Variants in DOCK8 observed in about 807,000 individuals in gnomAD.
The protein encoded by DOCK8 is dedicator of cytokinesis protein 8.
Under a neutral mutation model 245.6 loss-of-function variants are expected in DOCK8, and 141 were observed. The ratio of observed to expected loss-of-function variants is 0.57; its 90% confidence interval spans 0.50 to 0.66. The LOEUF (loss-of-function observed/expected upper bound fraction) is 0.66, where lower values mean the gene tolerates loss of function less well. Among genes scored for constraint, DOCK8 ranks in the 30% least tolerant of loss-of-function variants. The pLI, the probability that DOCK8 is intolerant of heterozygous loss-of-function variation, is 0.00. For synonymous variants in DOCK8, 1,168 were observed against 970.2 expected, an observed-to-expected ratio of 1.20 and a Z score of -3.79; for missense variants, 2,965 against 2,603.4, an observed-to-expected ratio of 1.14 and a Z score of -3.02.
At chr9:251,846 G>C (rs1431488196) in intron 1 of DOCK8, among the ~76,000 whole-genome samples, 1 of 152,074 alleles carries the variant, frequency 6.6e-6, no homozygotes, top group African/African-American at 2.4e-5. Flanking sequence ...AGGTTATAAG[G>C]ATTAAAGATA....
intron 36 of DOCK8, among the ~76,000 whole-genome samples, chr9:430,175 G>C (rs1587012851): frequency 6.6e-6 from 1 of 152,316 alleles, no homozygotes; most frequent in East Asian, 1.9e-4. Context: ...AGGAGTTCAA[G>C]ACTAGCCTGG....
intron 26 of DOCK8, among the ~76,000 whole-genome samples, chr9:400,789 C>T (rs1403632063): frequency 9.8e-5 from 8 of 81,972 alleles, no homozygotes; most frequent in Admixed American, 2.4e-4. Flanking sequence ...CCACCTCCAC[C>T]ATCACCACCA....
At chr9:380,059 C>T (rs1453961768) in intron 21 of DOCK8, 124 bp downstream of exon 21, 2 of 905,130 alleles carry the variant, frequency 2.2e-6, no homozygotes, top group Non-Finnish European at 3.4e-6. Flanking sequence ...AACCCCAGCA[C>T]TCTAGGAGGC....
chr9:409,274 A>C (rs1367259039), intron 28 of DOCK8, among the ~76,000 whole-genome samples: 1 of 152,162 alleles, frequency 6.6e-6, no homozygotes, highest in East Asian at 1.9e-4. Context: ...TATATCCACA[A>C]GTGTCTATGC....
Position 317,244 on chromosome 9 carries a change from C to T in DOCK8, c.827+116C>T, listed in dbSNP as rs1238656288. 7.1e-6 allele frequency: 6 copies of T among 845,720 alleles called. No homozygotes were observed. The African/African-American group carries it at 1.0e-4, about 14-fold the overall frequency. 52.4% of individuals were successfully genotyped at this position (845,720 alleles called of 1,614,324 possible). A position where few individuals can be genotyped will look rare whatever the true frequency, so the allele number is the denominator to read the frequency against. On this transcript the variant is annotated intron_variant, in intron 7 of 47. Coordinates refer to ENST00000432829, the MANE Select transcript of DOCK8 (RefSeq NM_203447.4). ...AGCGGAGCTCCCAAAATACGTCTAA[C>T]AGTGGGCAGCTGTGGAGTAGTAGAA...
At chr9:260,919 T>A (rs1371772914) in intron 1 of DOCK8, among the ~76,000 whole-genome samples, 2 of 152,142 alleles carry the variant, frequency 1.3e-5, no homozygotes, top group African/African-American at 4.8e-5. Flanking sequence ...TGTATTCCCA[T>A]TTGTGTAAAT....
intron 9 of DOCK8, among the ~76,000 whole-genome samples, chr9:328,568 C>G (rs1042696964): frequency 9.2e-5 from 14 of 152,166 alleles, no homozygotes; most frequent in African/African-American, 3.4e-4. Context: ...CCTCAGTGAC[C>G]TGGTGCAAAG....
chr9:442,120 C>G (rs1473026185), intron 42 of DOCK8, 111 bp downstream of exon 42: 19 of 1,472,098 alleles, frequency 1.3e-5, no homozygotes, highest in East Asian at 2.3e-5. Context: ...TCATTGATCT[C>G]TACATAAAGT....
chr9:236,120 A>G (rs2047241545), intron 1 of DOCK8, among the ~76,000 whole-genome samples: 1 of 152,096 alleles, frequency 6.6e-6, no homozygotes, highest in South Asian at 2.1e-4. Flanking sequence ...CATGGCCCCC[A>G]AGGTACCACT....
At chr9:317,195 G>T in intron 7 of DOCK8, 67 bp downstream of exon 7, 1 of 1,255,870 alleles carries the variant, frequency 8.0e-7, no homozygotes. Flanking sequence ...CAAATGTTGT[G>T]TTTATTATCA....
intron 26 of DOCK8, among the ~76,000 whole-genome samples, chr9:403,780 G>A (rs971950042): frequency 1.5e-4 from 23 of 150,228 alleles, no homozygotes; most frequent in Admixed American, 5.3e-4. Flanking sequence ...CAAGAGAATC[G>A]CTTGAACCTG....
At chr9:397,160 A>G (rs1238896692) in intron 25 of DOCK8, among the ~76,000 whole-genome samples, 1 of 152,054 alleles carries the variant, frequency 6.6e-6, no homozygotes, top group Non-Finnish European at 1.5e-5. Flanking sequence ...CCTGGCCAAC[A>G]TGGTGACATG....
In DOCK8 at chr9:267,024, TC is replaced by T. The variant is rs1433737375; in HGVS notation, c.54-4598del. Among the ~76,000 whole-genome samples, 5 of 152,074 alleles carry T rather than the reference TC, an allele frequency of 3.3e-5. No individual in the cohort carries two copies. The South Asian group carries it at 8.3e-4, about 25-fold the overall frequency. ...ATGTTCCTTTTTGTGGAGACAGATG[TC>T]CCCCTTCACTAGGACCAGGGTAGAG... On this transcript the variant is annotated intron_variant, in intron 1 of 47. Transcript: ENST00000432829.
chr9:370,562 G>T (rs1018351434), intron 16 of DOCK8, among the ~76,000 whole-genome samples: 1 of 152,180 alleles, frequency 6.6e-6, no homozygotes, highest in South Asian at 2.1e-4. Context: ...ATGCAAAGAG[G>T]TTGTATTACG....
In DOCK8 at chr9:400,802, TCCACCATCACCACCACCTCCACCA is replaced by T. The variant is rs2054947603; in HGVS notation, c.3234+1544_3234+1567del. 8.2e-5 allele frequency among the ~76,000 whole-genome samples: 3 copies of T among 36,660 alleles called. 1 individual carries two copies. The Admixed American group carries it at 9.6e-4, about 12-fold the overall frequency. The allele number at this position is 36,660 out of a possible 152,430, so 24.1% of individuals were successfully genotyped here. ...CACCACCTCCACCATCACCACCACCTCCACCATCACCACCACCTCCACCATCACCATCACCACCACCTCCACCAT... is the reference window on the plus strand; with the variant it reads ...CACCACCTCCACCATCACCACCACCTTCACCATCACCACCACCTCCACCAT... On this transcript the variant is annotated intron_variant, in intron 26 of 47. Transcript: ENST00000432829.
chr9:415,976 C>T lies in DOCK8; in HGVS notation c.3700+1025C>T, dbSNP rs183443303. ...TTTAGTTCATGAAAATGGGACCAAA[C>T]GCCTATAGTCTTTAATTCATACAAA... On this transcript the variant is annotated intron_variant, in intron 29 of 47. Coordinates refer to ENST00000432829, the MANE Select transcript of DOCK8 (RefSeq NM_203447.4). 2.3e-4 allele frequency among the ~76,000 whole-genome samples: 35 copies of T among 152,258 alleles called. 1 individual carries two copies. Among genetic ancestry groups the T allele is most frequent in the Admixed American group, 9.8e-4 (15 of 15,280 alleles).
intron 2 of DOCK8, among the ~76,000 whole-genome samples, chr9:284,914 A>G (rs2048749142): frequency 6.6e-6 from 1 of 152,192 alleles, no homozygotes; most frequent in Non-Finnish European, 1.5e-5. Flanking sequence ...ACACAAAGAA[A>G]AGAACAACAG....
chr9:359,988 T>C (rs117919384), intron 14 of DOCK8, among the ~76,000 whole-genome samples: 2 of 152,120 alleles, frequency 1.3e-5, no homozygotes, highest in East Asian at 3.9e-4. Flanking sequence ...TAGTTTACTA[T>C]CAAAACAACA....
chr9:396,814 C>A lies in DOCK8; in HGVS notation c.3000C>A (p.Asn1000Lys), dbSNP rs1005509613. 3 of 1,614,148 alleles carry A rather than the reference C, an allele frequency of 1.9e-6. No individual in the cohort carries two copies. In the Middle Eastern group the frequency reaches 4.9e-4, roughly 266 times the overall value. ...LVKSMAQHVH[N>K]MDKRDSFRRT... ...AAAGCATGGCCCAGCACGTACATAA[C>A]ATGGACAAACGGGACAGTTTTCGGA... Residue 1000 changes from asparagine (N) to lysine (K), a missense_variant, in exon 25 of 48, where the codon AAC (asparagine) becomes AAA (lysine). Asn to Lys is a moderately conservative substitution (Grantham distance 94, BLOSUM62 0). This residue lies in a region of DOCK8 where 2,825 missense variants were observed against 2,453.5 expected (regional missense o/e 1.15). Coordinates refer to ENST00000432829, the MANE Select transcript of DOCK8 (RefSeq NM_203447.4).
Sources: allele counts gnomAD v4.1 joint callset (sites outside exome capture counted in the v4.1 genomes callset), GRCh38; gene constraint gnomAD v4.1.1; regional missense constraint gnomAD v4.1.1; transcripts MANE v1.5; gene names NCBI Gene and HGNC (gene_info 2026-07-23, HGNC 2026-07-21).